The following TESK2 variants were observed in gnomAD, a reference collection of about 807,000 sequenced individuals.
TESK2 encodes testis associated actin remodelling kinase 2, also known as dual specificity testis-specific protein kinase 2.
TESK2 carries 39 observed loss-of-function variants against 57.1 expected under a neutral mutation model. The observed-to-expected ratio is 0.68, with a 90% CI of 0.53 to 0.89. The LOEUF is 0.89. Among genes scored for constraint, TESK2 ranks in the 40% least tolerant of loss-of-function variants. The pLI is 0.00. For missense variants in TESK2, 646 were observed against 732.1 expected, an observed-to-expected ratio of 0.88 and a Z score of 1.36; for synonymous variants, 249 against 267.9, an observed-to-expected ratio of 0.93 and a Z score of 0.69.
At chr1:45,384,389 G>GTCTGTCTATCTATCTA (rs1355753034) in intron 4 of TESK2, among the ~76,000 whole-genome samples, 37 of 144,368 alleles carry the variant, frequency 2.6e-4, no homozygotes, top group African/African-American at 9.1e-4. Context: ...CTATCTATCT[G>GTCTGTCTATCTATCTA]TCTATCTATC....
intron 2 of TESK2, among the ~76,000 whole-genome samples, chr1:45,434,457 ATTT>A (rs33951621): frequency 5.5e-4 from 79 of 144,048 alleles, no homozygotes; most frequent in South Asian, 8.7e-4. Context: ...ACATCCAGCT[ATTT>A]TTTTTTTTTT....
chr1:45,488,989 C>A (rs1383247947), intron 1 of TESK2, among the ~76,000 whole-genome samples: 6 of 152,074 alleles, frequency 3.9e-5, no homozygotes, highest in Non-Finnish European at 7.4e-5. Flanking sequence ...GCAGAGAAAT[C>A]CCGTCTCTAC....
chr1:45,384,377 A>ATCTGTCTGTCTGTCTG (rs1484512971), intron 4 of TESK2, among the ~76,000 whole-genome samples: 5 of 138,918 alleles, frequency 3.6e-5, no homozygotes, highest in African/African-American at 1.4e-4. Context: ...CTATCTATCT[A>ATCTGTCTGTCTGTCTG]TCTATCTATC....
intron 2 of TESK2, among the ~76,000 whole-genome samples, chr1:45,436,178 CTTCTT>C (rs1651207249): frequency 1.5e-4 from 2 of 12,968 alleles, no homozygotes; most frequent in Non-Finnish European, 2.1e-4. Context: ...ACATTGGTAT[CTTCTT>C]TTTTTTTTTT....
intron 1 of TESK2, among the ~76,000 whole-genome samples, chr1:45,466,602 A>G (rs1057001217): frequency 6.6e-6 from 1 of 151,488 alleles, no homozygotes; most frequent in Admixed American, 6.6e-5. Flanking sequence ...GTGAGCCATG[A>G]CCACACCACT....
chr1:45,418,501 C>A (rs1650339392), intron 3 of TESK2, among the ~76,000 whole-genome samples: 1 of 152,248 alleles, frequency 6.6e-6, no homozygotes, highest in Non-Finnish European at 1.5e-5. Flanking sequence ...ACTTTTCCAC[C>A]TTTATCTACC....
Position 45,480,898 on chromosome 1 carries a change from GA to G in TESK2, c.-87+9953del, listed in dbSNP as rs372136949. ...AGCTACTCAGGAGGCTGAGGCAGGA[GA>G]ATCACTTGAACCCGGGAAATGGAGG... On this transcript the variant is annotated intron_variant, in intron 1 of 10. Transcript: ENST00000372086. Among the ~76,000 whole-genome samples the G allele has an allele frequency of 3.0e-4, 46 of 151,970 alleles. No homozygotes were observed. In the South Asian group the frequency reaches 5.4e-3, roughly 18 times the overall value.
intron 3 of TESK2, among the ~76,000 whole-genome samples, chr1:45,404,801 C>T (rs1288397338): frequency 2.6e-5 from 4 of 151,988 alleles, no homozygotes; most frequent in Admixed American, 2.0e-4. Context: ...CCTTGGCCTC[C>T]CAAAGTACTA....
In TESK2 at chr1:45,421,798, A is replaced by G. The variant is rs763587994; in HGVS notation, c.271T>C (p.Leu91=). 1.9e-5 allele frequency: 31 copies of G among 1,614,004 alleles called. No individual in the cohort carries two copies. The highest frequency in any genetic ancestry group is 1.5e-4 in the South Asian group (14 of 91,088). ...GQVMALKMNT[L]SSNRANMLKE... ...AGCATGTTTGCCCGGTTACTGCTCA[A>G]TGTGTTCATCTTAAGAGCCATCACC... Residue 91 remains leucine (L), a synonymous_variant, in exon 3 of 11, where the codon TTG becomes CTG. Coordinates refer to ENST00000372086, the MANE Select transcript of TESK2 (RefSeq NM_007170.3).
intron 1 of TESK2, among the ~76,000 whole-genome samples, chr1:45,490,277 T>G (rs1382850680): frequency 6.6e-6 from 1 of 152,160 alleles, no homozygotes; most frequent in Non-Finnish European, 1.5e-5. Context: ...GGATTTCGCT[T>G]GTAGCGAAAT....
At chr1:45,444,790 C>T (rs995764459) in intron 2 of TESK2, among the ~76,000 whole-genome samples, 1 of 152,200 alleles carries the variant, frequency 6.6e-6, no homozygotes. Context: ...TGTCCATATC[C>T]GGGCATAAGC....
chr1:45,415,377 G>A (rs1650197482), intron 3 of TESK2: 1 of 906,364 alleles, frequency 1.1e-6, no homozygotes, highest in Non-Finnish European at 1.8e-6. Context: ...TTAACCACCA[G>A]ACCATTCCTT....
chr1:45,454,767 C>T (rs1159099703), intron 2 of TESK2, among the ~76,000 whole-genome samples: 5 of 152,012 alleles, frequency 3.3e-5, no homozygotes, highest in Non-Finnish European at 7.4e-5. Flanking sequence ...ACAGCCCCAC[C>T]ATCGACAGAT....
intron 1 of TESK2, among the ~76,000 whole-genome samples, chr1:45,469,498 A>G (rs1478504416): frequency 6.6e-6 from 1 of 152,228 alleles, no homozygotes; most frequent in African/African-American, 2.4e-5. Context: ...AGTGAGACTC[A>G]GGATTCAAAT....
intron 1 of TESK2, among the ~76,000 whole-genome samples, chr1:45,468,767 T>G (rs1407879473): frequency 6.6e-6 from 1 of 152,182 alleles, no homozygotes; most frequent in Non-Finnish European, 1.5e-5. Context: ...GGGTGTGGGA[T>G]GAGCACTACT....
At chr1:45,425,047 A>G (rs887601650) in intron 2 of TESK2, among the ~76,000 whole-genome samples, 22 of 152,212 alleles carry the variant, frequency 1.4e-4, no homozygotes, top group African/African-American at 5.3e-4. Context: ...ATAGTACTGG[A>G]CACCCTAGCT....
chr1:45,349,269 C>T (rs1647200781), intron 5 of TESK2, among the ~76,000 whole-genome samples: 1 of 152,140 alleles, frequency 6.6e-6, no homozygotes, highest in South Asian at 2.1e-4. Flanking sequence ...TGGAAGGAGC[C>T]GTGATTTCAT....
rs148900068 is a variant in TESK2, at chr1:45,458,187, C to T, written c.-86-316G>A. On this transcript the variant is annotated intron_variant, in intron 1 of 10. Coordinates refer to ENST00000372086, the MANE Select transcript of TESK2 (RefSeq NM_007170.3). ...TATAAGAGCTTGACATACATCATCT[C>T]GTTTGATTCTCAGATAATCCATGAT... Among the ~76,000 whole-genome samples the T allele has an allele frequency of 3.7e-3, 566 of 152,282 alleles. 8 individuals carry two copies. Among genetic ancestry groups the T allele is most frequent in the Admixed American group, 0.025 (375 of 15,292 alleles).
chr1:45,378,127 G>GA (rs950686186), intron 4 of TESK2, among the ~76,000 whole-genome samples: 22 of 152,060 alleles, frequency 1.4e-4, no homozygotes, highest in Middle Eastern at 3.4e-3. Flanking sequence ...TAACTGAGTG[G>GA]AAAAAAAGAA....
Sources: allele counts gnomAD v4.1 joint callset (sites outside exome capture counted in the v4.1 genomes callset), GRCh38; gene constraint gnomAD v4.1.1; transcripts MANE v1.5; gene names NCBI Gene and HGNC (gene_info 2026-07-23, HGNC 2026-07-21).